The following AGXT2 variants were observed in gnomAD, a reference collection of about 807,000 sequenced individuals.
AGXT2 encodes alanine--glyoxylate aminotransferase 2.
AGXT2 carries 61 observed loss-of-function variants against 62.5 expected under a neutral mutation model. The ratio of observed to expected loss-of-function variants is 0.98; its 90% CI spans 0.79 to 1.21. The LOEUF is 1.21. Ranked by LOEUF, AGXT2 falls within the 50% of genes most tolerant of loss-of-function variation. AGXT2 has a pLI of 0.00. For missense variants in AGXT2, 666 were observed against 641.5 expected, an observed-to-expected ratio of 1.04 and a Z score of -0.41; for synonymous variants, 243 against 218.7, an observed-to-expected ratio of 1.11 and a Z score of -0.98.
At chr5:35,015,641 G>A (rs777328993) in intron 9 of AGXT2, among the ~76,000 whole-genome samples, 3 of 151,918 alleles carry the variant, frequency 2.0e-5, no homozygotes, top group African/African-American at 4.8e-5. Context: ...CCTGAGGTCC[G>A]GAGTTTGAGA....
chr5:35,047,861 G>C lies in AGXT2; in HGVS notation c.32C>G (p.Pro11Arg), dbSNP rs1010122546. The change falls in exon 1 of 14, where the codon CCC becomes CGC. Residue 11 changes from proline to arginine, a missense_variant. Coordinates refer to ENST00000231420, the MANE Select transcript of AGXT2 (RefSeq NM_031900.4). ...GGGAGCGGAAGTGACCAGGCACAAG[G>C]GTCTCAGCAAATGTCTCCAGATTAG... MTLIWRHLLR[P>R]LCLVTSAPRI... 2 of 1,614,052 alleles carry C rather than the reference G, an allele frequency of 1.2e-6. No homozygotes were observed. The highest frequency in any genetic ancestry group is 1.7e-6 in the Non-Finnish European group (2 of 1,179,992).
intron 9 of AGXT2, among the ~76,000 whole-genome samples, chr5:35,019,458 C>A (rs1766981378): frequency 2.0e-5 from 3 of 151,228 alleles, no homozygotes; most frequent in Admixed American, 2.0e-4. Context: ...ACTGAACAAC[C>A]TGCTCCTGAA....
intron 12 of AGXT2, 135 bp downstream of exon 12, chr5:35,009,865 T>G (rs1766561921): frequency 8.3e-7 from 1 of 1,203,780 alleles, no homozygotes; most frequent in African/African-American, 1.5e-5. Flanking sequence ...TCTACTAATC[T>G]CTAAAGGGCT....
At position 35,035,284 on chromosome 5, in the gene AGXT2, G is replaced by A. The variant is rs775706084; in HGVS notation, c.519C>T (p.Ala173=). Reference sequence around the variant, plus strand: ...TGGCCATCAGCATGGCCAGCTCATTGGCTTCTGAGCCACTGTTCACCAAGA... The same window carrying A: ...TGGCCATCAGCATGGCCAGCTCATTAGCTTCTGAGCCACTGTTCACCAAGA... The part of the protein sequence containing the change: ...VIFLVNSGSE[A]NELAMLMARA... Residue 173 remains alanine (A), a synonymous_variant, in exon 5 of 14, where the codon GCC becomes GCT. Coordinates refer to ENST00000231420, the MANE Select transcript of AGXT2 (RefSeq NM_031900.4). 1.2e-6 allele frequency: 2 copies of A among 1,614,004 alleles called. No individual in the cohort carries two copies. Among genetic ancestry groups the A allele is most frequent in the Admixed American group, 3.3e-5 (2 of 60,012 alleles).
chr5:35,003,901 G>T lies in AGXT2; in HGVS notation c.1339-40C>A. 6 of 1,590,104 alleles carry T rather than the reference G, an allele frequency of 3.8e-6. 1 individual carries two copies. The highest frequency in any genetic ancestry group is 2.2e-5 in the East Asian group (1 of 44,626). Reference sequence around the variant, plus strand: ...TTAAAATTCTTTCTATTTGGTGTTGGAATGGTTAAAGGAATTATTTGCAAG... The same window carrying T: ...TTAAAATTCTTTCTATTTGGTGTTGTAATGGTTAAAGGAATTATTTGCAAG... On this transcript the variant is annotated intron_variant, in intron 12 of 13. Coordinates refer to ENST00000231420, the MANE Select transcript of AGXT2 (RefSeq NM_031900.4).
At chr5:35,034,465 A>C (rs1194342279) in intron 5 of AGXT2, among the ~76,000 whole-genome samples, 3 of 152,198 alleles carry the variant, frequency 2.0e-5, no homozygotes, top group Admixed American at 2.0e-4. Context: ...TCTTCTTTTG[A>C]ATTCACACAG....
intron 7 of AGXT2, among the ~76,000 whole-genome samples, chr5:35,027,630 G>C (rs549356400): frequency 6.6e-6 from 1 of 151,550 alleles, no homozygotes; most frequent in African/African-American, 2.4e-5. Context: ...TCTTGATTGC[G>C]GAGTTTTGTG....
rs566602025 is a variant in AGXT2, at chr5:35,022,980, G to A, written c.963+2783C>T. 5.3e-5 allele frequency among the ~76,000 whole-genome samples: 8 copies of A among 151,170 alleles called. No homozygotes were observed. The South Asian group carries it at 1.5e-3, about 28-fold the overall frequency. On this transcript the variant is annotated intron_variant, in intron 9 of 13. Coordinates refer to ENST00000231420, the MANE Select transcript of AGXT2 (RefSeq NM_031900.4). ...AAGAGTCTTGGTGATTTCAATCACT[G>A]GCTCCTAAATGTTTGTCTTCTGCAA...
intron 12 of AGXT2, among the ~76,000 whole-genome samples, chr5:35,008,716 C>T (rs781457795): frequency 2.0e-5 from 3 of 152,148 alleles, no homozygotes; most frequent in Non-Finnish European, 4.4e-5. Context: ...CTGGCTGTGA[C>T]ATGTGGTATG....
At chr5:35,031,831 T>A (rs2112260977) in intron 7 of AGXT2, among the ~76,000 whole-genome samples, 1 of 152,172 alleles carries the variant, frequency 6.6e-6, no homozygotes, top group Admixed American at 6.5e-5. Context: ...CCAAAAGCAT[T>A]ATTTTCCCTC....
intron 6 of AGXT2, chr5:35,033,085 T>G: frequency 2.0e-6 from 1 of 508,070 alleles, no homozygotes; most frequent in South Asian, 2.0e-5. Flanking sequence ...GGTAAGGGCA[T>G]CTGAAAGAAT....
intron 9 of AGXT2, among the ~76,000 whole-genome samples, chr5:35,022,086 G>C (rs1262378616): frequency 6.6e-6 from 1 of 152,094 alleles, no homozygotes; most frequent in African/African-American, 2.4e-5. Context: ...AGGTGCTGGA[G>C]AGGATGTGGA....
Position 35,035,757 on chromosome 5 carries a change from T to C in AGXT2, c.487-441A>G, listed in dbSNP as rs542982858. ...ACTCCAGGGGTTGTCCCAGCCTGAC[T>C]ATGCTGTGTGTGTGAATGTTGAAAA... On this transcript the variant is annotated intron_variant, in intron 4 of 13. Coordinates refer to ENST00000231420, the MANE Select transcript of AGXT2 (RefSeq NM_031900.4). Among the ~76,000 whole-genome samples the C allele has an allele frequency of 1.9e-4, 29 of 152,270 alleles. No individual in the cohort carries two copies. The East Asian group carries it at 3.1e-3, about 16-fold the overall frequency.
intron 3 of AGXT2, among the ~76,000 whole-genome samples, chr5:35,038,302 G>T (rs1047301395): frequency 1.3e-5 from 2 of 152,206 alleles, no homozygotes; most frequent in Non-Finnish European, 2.9e-5. Flanking sequence ...AGTCACAGGA[G>T]GGGTAGAAAA....
chr5:35,013,782 C>CA (rs10588573), intron 10 of AGXT2, among the ~76,000 whole-genome samples: 137 of 89,048 alleles, frequency 1.5e-3, no homozygotes, highest in East Asian at 8.5e-3. Context: ...GACTCTGTCT[C>CA]AAAAAAAAAA....
chr5:35,019,562 C>A (rs192831315), intron 9 of AGXT2, among the ~76,000 whole-genome samples: 1 of 152,098 alleles, frequency 6.6e-6, no homozygotes, highest in South Asian at 2.1e-4. Context: ...ATCTCTGGGA[C>A]GCATTCAAAG....
chr5:35,024,714 A>C (rs1035304369), intron 9 of AGXT2, among the ~76,000 whole-genome samples: 1 of 152,208 alleles, frequency 6.6e-6, no homozygotes, highest in African/African-American at 2.4e-5. Flanking sequence ...CATGCCTGTA[A>C]ACCCAGCACT....
chr5:35,047,237 G>C (rs1768261435), intron 1 of AGXT2, among the ~76,000 whole-genome samples: 1 of 152,168 alleles, frequency 6.6e-6, no homozygotes, highest in South Asian at 2.1e-4. Context: ...CCGGGAGTTC[G>C]AGACCAACTT....
At chr5:35,044,672 C>A (rs990674265) in intron 1 of AGXT2, among the ~76,000 whole-genome samples, 8 of 152,190 alleles carry the variant, frequency 5.3e-5, no homozygotes, top group Non-Finnish European at 1.0e-4. Flanking sequence ...TCCTTCATAA[C>A]CTTCCAGTAT....
Sources: allele counts gnomAD v4.1 joint callset (sites outside exome capture counted in the v4.1 genomes callset), GRCh38; gene constraint gnomAD v4.1.1; transcripts MANE v1.5; gene names NCBI Gene and HGNC (gene_info 2026-07-23, HGNC 2026-07-21).